The following FCHSD2 variants were observed in gnomAD, a reference collection of about 807,000 sequenced individuals.
FCHSD2 encodes the protein F-BAR and double SH3 domains protein 2.
In FCHSD2, 38 loss-of-function variants were observed where a neutral mutation model predicts 108.1. That is an observed-to-expected ratio of 0.35 (90% CI 0.27 to 0.46). FCHSD2 has a LOEUF of 0.46. Among genes scored for constraint, FCHSD2 ranks in the 20% least tolerant of loss-of-function variants. The pLI, the probability that FCHSD2 is intolerant of heterozygous loss-of-function variation, is 1.00. For missense variants in FCHSD2, 751 were observed against 897.8 expected (o/e 0.84, Z 2.09); for synonymous variants, 279 against 314.7 (o/e 0.89, Z 1.20).
At chr11:72,870,075 T>A (rs182436006) in intron 12 of FCHSD2, among the ~76,000 whole-genome samples, 5 of 152,278 alleles carry the variant, frequency 3.3e-5, no homozygotes, top group Admixed American at 3.3e-4. Flanking sequence ...CGTGCCTGTG[T>A]GCGTGCCAGT....
chr11:72,884,228 C>T (rs1236764298), intron 12 of FCHSD2, among the ~76,000 whole-genome samples: 1 of 152,052 alleles, frequency 6.6e-6, no homozygotes, highest in African/African-American at 2.4e-5. Flanking sequence ...ACCTAACTTC[C>T]ATTTTATACA....
At chr11:72,850,051 AAT>A (rs1400152582) in intron 13 of FCHSD2, among the ~76,000 whole-genome samples, 162 bp from the exon 14 acceptor site, 1 of 136,918 alleles carries the variant, frequency 7.3e-6, no homozygotes, top group Non-Finnish European at 1.5e-5. Flanking sequence ...GTTATGAAAG[AAT>A]AGAGTTTTTT....
At chr11:72,846,149 C>T (rs555093798) in intron 14 of FCHSD2, among the ~76,000 whole-genome samples, 1 of 151,004 alleles carries the variant, frequency 6.6e-6, no homozygotes, top group South Asian at 2.1e-4. Context: ...TCCCAGACTA[C>T]TCATGATGAG....
intron 2 of FCHSD2, among the ~76,000 whole-genome samples, chr11:73,131,597 G>A (rs1861003710): frequency 1.3e-5 from 2 of 151,520 alleles, no homozygotes; most frequent in African/African-American, 2.4e-5. Context: ...CCAGCTACTC[G>A]GGAGGCTGAG....
chr11:72,916,099 ATAAC>A (rs1855868214), intron 9 of FCHSD2, among the ~76,000 whole-genome samples: 1 of 152,164 alleles, frequency 6.6e-6, no homozygotes, highest in Admixed American at 6.5e-5. Context: ...ATCAGGAAAA[ATAAC>A]TAATGGGTAC....
intron 13 of FCHSD2, among the ~76,000 whole-genome samples, chr11:72,851,195 C>T (rs1465897715): frequency 6.8e-6 from 1 of 147,658 alleles, no homozygotes; most frequent in Non-Finnish European, 1.5e-5. Context: ...TGAATTCATA[C>T]ATCCTTTTGA....
At chr11:72,841,007 A>G in intron 18 of FCHSD2, 48 bp from the exon 19 acceptor site, 1 of 1,381,660 alleles carries the variant, frequency 7.2e-7, no homozygotes, top group East Asian at 2.3e-5. Context: ...TTGTTGAGCA[A>G]TAATGCTGAT....
intron 8 of FCHSD2, among the ~76,000 whole-genome samples, chr11:72,970,836 C>T (rs962807347): frequency 3.9e-5 from 6 of 152,192 alleles, no homozygotes; most frequent in Non-Finnish European, 8.8e-5. Context: ...AAACATACCC[C>T]TAACCCCCAC....
chr11:73,122,882 T>A (rs1284693159), intron 2 of FCHSD2, among the ~76,000 whole-genome samples: 1 of 152,246 alleles, frequency 6.6e-6, no homozygotes, highest in Non-Finnish European at 1.5e-5. Flanking sequence ...ATATGCAGAT[T>A]AAGTAAATGT....
chr11:72,972,397 A>G (rs1051320661), intron 8 of FCHSD2, among the ~76,000 whole-genome samples: 7 of 152,216 alleles, frequency 4.6e-5, no homozygotes, highest in Admixed American at 4.6e-4. Context: ...TTTCCAAACT[A>G]TATTTCAAGG....
chr11:72,883,115 C>T (rs754515925), intron 12 of FCHSD2, among the ~76,000 whole-genome samples: 24 of 152,022 alleles, frequency 1.6e-4, no homozygotes, highest in Non-Finnish European at 8.8e-5. Context: ...AAAAACAAAA[C>T]AAAACAACAA....
chr11:73,038,576 C>T (rs192575341), intron 3 of FCHSD2, among the ~76,000 whole-genome samples: 40 of 152,226 alleles, frequency 2.6e-4, no homozygotes, highest in African/African-American at 9.6e-4. Flanking sequence ...AACGATTATC[C>T]TAAGCAAACT....
At chr11:73,106,997 A>G (rs1860359939) in intron 2 of FCHSD2, among the ~76,000 whole-genome samples, 1 of 152,158 alleles carries the variant, frequency 6.6e-6, no homozygotes, top group Non-Finnish European at 1.5e-5. Flanking sequence ...GACTTTTTAA[A>G]GCCCACTTCA....
intron 13 of FCHSD2, among the ~76,000 whole-genome samples, chr11:72,862,902 G>A (rs1393256174): frequency 6.6e-6 from 1 of 152,036 alleles, no homozygotes; most frequent in Non-Finnish European, 1.5e-5. Flanking sequence ...AGAACAAAAT[G>A]TCAAGAAACA....
At chr11:73,121,171 A>T (rs541313673) in intron 2 of FCHSD2, among the ~76,000 whole-genome samples, 6 of 150,910 alleles carry the variant, frequency 4.0e-5, no homozygotes, top group South Asian at 4.2e-4. Flanking sequence ...ATACACATAC[A>T]CATACACACA....
chr11:73,093,524 T>C (rs1860004542), intron 2 of FCHSD2, among the ~76,000 whole-genome samples: 1 of 152,166 alleles, frequency 6.6e-6, no homozygotes, highest in African/African-American at 2.4e-5. Flanking sequence ...ATGCACCCAT[T>C]TAAATTCATC....
chr11:73,127,344 T>C (rs1860882200), intron 2 of FCHSD2, among the ~76,000 whole-genome samples: 1 of 152,074 alleles, frequency 6.6e-6, no homozygotes, highest in Non-Finnish European at 1.5e-5. Context: ...TGAAAGGACC[T>C]AACAAAATGA....
At chr11:72,907,719 T>C (rs1276789006) in intron 9 of FCHSD2, among the ~76,000 whole-genome samples, 1 of 148,198 alleles carries the variant, frequency 6.7e-6, no homozygotes, top group Admixed American at 6.9e-5. Context: ...GCCTCTCGAG[T>C]AGCTGGGACT....
intron 4 of FCHSD2, among the ~76,000 whole-genome samples, chr11:73,005,872 A>G (rs1002498352): frequency 4.0e-5 from 6 of 151,562 alleles, no homozygotes; most frequent in Non-Finnish European, 7.4e-5. Flanking sequence ...CATGGCTTTA[A>G]AGAGTATCAA....
Sources: allele counts gnomAD v4.1 joint callset (sites outside exome capture counted in the v4.1 genomes callset), GRCh38; gene constraint gnomAD v4.1.1; transcripts MANE v1.5; gene names NCBI Gene and HGNC (gene_info 2026-07-23, HGNC 2026-07-21).